FABP3: variants seen among roughly 807,000 people sequenced by gnomAD.
FABP3 encodes the protein fatty acid binding protein 3.
Under a neutral mutation model 13.4 loss-of-function variants are expected in FABP3, and 8 were observed. The observed-to-expected ratio is 0.60, with a 90% CI of 0.35 to 1.07. The LOEUF (loss-of-function observed/expected upper bound fraction) is 1.07, where lower values mean the gene tolerates loss of function less well. FABP3 is among the 50% of genes least tolerant of loss of function. The pLI, the probability that FABP3 is intolerant of heterozygous loss-of-function variation, is 0.02. For synonymous variants in FABP3, 64 were observed against 60.0 expected (o/e 1.07, Z -0.31); for missense variants, 135 against 164.7 (o/e 0.82, Z 0.99).
chr1:31,372,814 G>T (rs1640230850), intron 1 of FABP3, 128 bp downstream of exon 1: 8 of 883,060 alleles, frequency 9.1e-6, no homozygotes, highest in Non-Finnish European at 1.4e-5. Context: ...TCTAGGCCAG[G>T]CTGCCATCTC....
At chr1:31,361,771 T>TG (rs1052716917), downstream of FABP3, among the ~76,000 whole-genome samples, 15 of 151,630 alleles carry the variant, frequency 9.9e-5, no homozygotes, top group African/African-American at 3.6e-4. Flanking sequence ...GTGTTTTTTT[T>TG]GGGGAGAGGG....
rs773057268 is a variant in FABP3 at position 31,367,507 on chromosome 1, G to C, written c.247-13C>G. On this transcript the variant is annotated splice_polypyrimidine_tract_variant and intron_variant, in intron 2 of 3. Transcript: ENST00000373713. ...GTGTCACAATGGACTGTGGAAAGAG[G>C]GTAGAGGCCTGAGCTGTGATCTTAG... 1.2e-6 allele frequency: 2 copies of C among 1,606,614 alleles called. No individual in the cohort carries two copies.
chr1:31,371,982 T>C (rs1640217030), intron 1 of FABP3, among the ~76,000 whole-genome samples: 1 of 152,192 alleles, frequency 6.6e-6, no homozygotes, highest in African/African-American at 2.4e-5. Flanking sequence ...TCATATTGGC[T>C]CTGCTGTGGA....
At chr1:31,367,251 C>G in intron 3 of FABP3, 142 bp downstream of exon 3, 2 of 739,092 alleles carry the variant, frequency 2.7e-6, no homozygotes, top group Non-Finnish European at 4.8e-6. Context: ...AAATTCCCAC[C>G]TGATACCACC....
intron 1 of FABP3, among the ~76,000 whole-genome samples, chr1:31,370,808 G>A (rs768406548): frequency 1.4e-4 from 22 of 152,190 alleles, no homozygotes; most frequent in Non-Finnish European, 3.1e-4. Context: ...AGGCAAAGGT[G>A]AGGCAGGAGG....
chr1:31,369,134 G>T (rs1336469568), intron 2 of FABP3: 5 of 489,286 alleles, frequency 1.0e-5, no homozygotes, highest in Admixed American at 3.3e-5. Context: ...TCCTGGCTCT[G>T]TGCTGCCCAT....
At chr1:31,362,079 G>C (rs1639927637), downstream of FABP3, among the ~76,000 whole-genome samples, 1 of 152,110 alleles carries the variant, frequency 6.6e-6, no homozygotes, top group Non-Finnish European at 1.5e-5. Context: ...CAGAGTGCTG[G>C]GATTACAGGC....
intron 3 of FABP3, 60 bp from the exon 4 acceptor site, chr1:31,365,999 T>G: frequency 2.1e-6 from 3 of 1,414,936 alleles, no homozygotes; most frequent in Non-Finnish European, 3.0e-6. Context: ...GCGAGCATTC[T>G]ACCCTCCCTT....
chr1:31,360,361 G>T (rs920603564), downstream of FABP3, among the ~76,000 whole-genome samples: 4 of 152,222 alleles, frequency 2.6e-5, no homozygotes, highest in African/African-American at 7.2e-5. Flanking sequence ...TAGAGATGGG[G>T]TTTCTTCATG....
At position 31,369,445 on chromosome 1, in the gene FABP3, C is replaced by T; in HGVS notation, c.186G>A (p.Glu62=). 1 of 1,614,168 alleles carries T rather than the reference C, an allele frequency of 6.2e-7. No homozygotes were observed. The highest frequency in any genetic ancestry group is 1.1e-5 in the South Asian group (1 of 91,070). Residue 62 remains glutamate, a synonymous_variant, in exon 2 of 4, where the codon GAG becomes GAA. Transcript: ENST00000373713. ...LKTHSTFKNT[E]ISFKLGVEFD... is the part of the protein sequence containing the mutation. ...ACTCCACCCCCAACTTAAAGCTGAT[C>T]TCTGTGTTCTTGAAGGTGCTGTGTG...
chr1:31,364,267 T>G, downstream of FABP3: 1 of 1,518,818 alleles, frequency 6.6e-7, no homozygotes, highest in South Asian at 1.3e-5. Context: ...CTGGAAAGAC[T>G]CAATAGTGAG....
rs1320930644 is a variant in FABP3 at position 31,365,290 on chromosome 1, G to A, written c.*596C>T. Among the ~76,000 whole-genome samples the A allele has an allele frequency of 6.6e-6, 1 of 152,198 alleles. No homozygotes were observed. Among genetic ancestry groups the A allele is most frequent in the Non-Finnish European group, 1.5e-5 (1 of 68,048 alleles). On this transcript the variant is annotated 3_prime_UTR_variant, in exon 4 of 4. Coordinates refer to ENST00000373713, the MANE Select transcript of FABP3 (RefSeq NM_004102.5). ...AGCCTGGGTTCTGTGCCCTGAACCT[G>A]AATTCTGGAAAGGGAGAGACTACAG...
chr1:31,367,283 G>T, intron 3 of FABP3, 110 bp downstream of exon 3: 2 of 890,824 alleles, frequency 2.2e-6, no homozygotes, highest in Non-Finnish European at 3.8e-6. Flanking sequence ...CCACTCTCTT[G>T]TCCCAGCTTC....
chr1:31,369,059 C>A (rs1640159599), intron 2 of FABP3: 1 of 254,412 alleles, frequency 3.9e-6, no homozygotes, highest in Admixed American at 4.9e-5. Flanking sequence ...AAACCTAGAG[C>A]TACTGCATAC....
At chr1:31,364,400 C>A, downstream of FABP3, 1 of 819,158 alleles carries the variant, frequency 1.2e-6, no homozygotes, top group Non-Finnish European at 1.8e-6. Flanking sequence ...TTCCTTATCA[C>A]TCCTGGTCCC....
At chr1:31,364,497 C>G (rs1008561151), downstream of FABP3, 9 of 366,534 alleles carry the variant, frequency 2.5e-5, no homozygotes, top group Non-Finnish European at 4.5e-5. Flanking sequence ...CCAGCTGCCA[C>G]TGCCAGAGCT....
rs1299981513 is a variant in FABP3, at chr1:31,365,731, A to G, written c.*155T>C. 6 of 650,608 alleles carry G rather than the reference A, an allele frequency of 9.2e-6. No homozygotes were observed. In the African/African-American group the frequency reaches 1.1e-4, roughly 12 times the overall value. 40.3% of individuals were successfully genotyped at this position (650,608 alleles called of 1,614,324 possible). A position where few individuals can be genotyped will look rare whatever the true frequency, so the allele number is the denominator to read the frequency against. On this transcript the variant is annotated 3_prime_UTR_variant, in exon 4 of 4. Coordinates refer to ENST00000373713, the MANE Select transcript of FABP3 (RefSeq NM_004102.5). The stretch of plus-strand genomic sequence containing the variant: ...AAAAAAAAAAAAAAAAACCACATAC[A>G]CCATGGGAACTGGAACTGGATCCCG...
At chr1:31,362,676 C>T (rs1313391993), downstream of FABP3, among the ~76,000 whole-genome samples, 1 of 152,144 alleles carries the variant, frequency 6.6e-6, no homozygotes, top group Non-Finnish European at 1.5e-5. Flanking sequence ...GTTATTTCCC[C>T]TGGCACCAGG....
chr1:31,363,182 CTTTTTTTT>C (rs374893533), downstream of FABP3, among the ~76,000 whole-genome samples: 1 of 135,644 alleles, frequency 7.4e-6, no homozygotes, highest in Non-Finnish European at 1.6e-5. Flanking sequence ...ATGTCTTATA[CTTTTTTTT>C]TTTTTTTTTT....
Sources: gnomAD v4.1 joint callset for allele counts (sites outside exome capture counted in the v4.1 genomes callset) on GRCh38, gnomAD v4.1.1 for gene constraint, MANE v1.5 for transcripts, NCBI Gene and HGNC (gene_info 2026-07-23, HGNC 2026-07-21) for gene names.